The following MEGF11 variants were observed in gnomAD, a reference collection of about 807,000 sequenced individuals.
The protein encoded by MEGF11 is multiple epidermal growth factor-like domains protein 11.
In MEGF11, 126 loss-of-function variants were observed where a neutral mutation model predicts 146.6. The observed-to-expected ratio is 0.86, with a 90% CI of 0.74 to 1.00. The LOEUF is 1.00. MEGF11 is among the 50% of genes least tolerant of loss of function. The probability of loss-of-function intolerance (pLI) is 0.00; values close to 1 mark genes in which losing one functional copy is unlikely to be tolerated. For synonymous variants in MEGF11, 532 were observed against 583.4 expected, an observed-to-expected ratio of 0.91 and a Z score of 1.27; for missense variants, 1,509 against 1,521.2, an observed-to-expected ratio of 0.99 and a Z score of 0.13.
chr15:66,177,766 C>G (rs1293207151), intron 1 of MEGF11, among the ~76,000 whole-genome samples: 1 of 151,814 alleles, frequency 6.6e-6, no homozygotes, highest in Non-Finnish European at 1.5e-5. Flanking sequence ...CTCACTGCAG[C>G]CTCAACCTCC....
rs1458856311 is a variant in MEGF11 at position 65,970,676 on chromosome 15, G to A, written c.776C>T (p.Ala259Val). 1 of 1,611,194 alleles carries A rather than the reference G, an allele frequency of 6.2e-7. No homozygotes were observed. The highest frequency in any genetic ancestry group is 8.5e-7 in the Non-Finnish European group (1 of 1,178,678). The change falls in exon 8 of 26, where the codon GCC becomes GTC. Residue 259 changes from alanine to valine, a missense_variant. Physicochemically the swap from Ala to Val is moderately conservative, Grantham distance 64 (BLOSUM62 0). Coordinates refer to ENST00000395614, the MANE Select transcript of MEGF11 (RefSeq NM_001385028.1). ...CPPGWTGAVC[A>V]QPCPPGTFGQ... Reference sequence around the variant, plus strand: ...AAATGTCCCTGGTGGGCAGGGCTGGGCACACACTGCTCCCTAAAAGAAAGG... The same window carrying A: ...AAATGTCCCTGGTGGGCAGGGCTGGACACACACTGCTCCCTAAAAGAAAGG...
In MEGF11 at chr15:65,917,893, G is replaced by A. The variant is rs146993643; in HGVS notation, c.2086+73C>T. ...GGAAGTGGAGGCACCAGGACAGAGA[G>A]GTTTTGGGCAACAAAGGGAGAATTT... On this transcript the variant is annotated intron_variant, in intron 16 of 25. Transcript: ENST00000395614. The A allele has an allele frequency of 3.3e-5, 53 of 1,592,772 alleles. No individual in the cohort carries two copies. In the East Asian group the frequency reaches 1.1e-3, roughly 34 times the overall value.
intron 12 of MEGF11, among the ~76,000 whole-genome samples, chr15:65,929,270 T>C (rs571926580): frequency 2.0e-5 from 3 of 152,218 alleles, no homozygotes; most frequent in Non-Finnish European, 4.4e-5. Context: ...GTGGTTATTA[T>C]TGAACAGTGC....
chr15:66,094,377 C>A, intron 5 of MEGF11, 25 bp downstream of exon 5: 1 of 1,544,890 alleles, frequency 6.5e-7, no homozygotes, highest in East Asian at 2.4e-5. Flanking sequence ...CAGGGTGCCT[C>A]CTGACCCCCA....
intron 5 of MEGF11, among the ~76,000 whole-genome samples, chr15:66,026,649 A>AT (rs879383425): frequency 0.019 from 2,739 of 144,664 alleles, 76 homozygotes; most frequent in African/African-American, 0.06. Context: ...ACACCCAGCT[A>AT]TTTTTTTTTT....
At chr15:66,227,182 C>T (rs963600571) in intron 1 of MEGF11, among the ~76,000 whole-genome samples, 8 of 152,154 alleles carry the variant, frequency 5.3e-5, no homozygotes, top group African/African-American at 9.6e-5. Context: ...TGGGGTTCTG[C>T]GGTTCGTGGA....
In MEGF11 at chr15:65,945,878, C is replaced by T. The variant is rs564513855; in HGVS notation, c.1287+11669G>A. Among the ~76,000 whole-genome samples the T allele has an allele frequency of 1.1e-4, 16 of 152,286 alleles. No individual in the cohort carries two copies. The South Asian group carries it at 2.9e-3, about 28-fold the overall frequency. On this transcript the variant is annotated intron_variant, in intron 10 of 25. Transcript: ENST00000395614. ...CCCGCAGCTCACAGGCAGGGGCAGG[C>T]GGGCGTGTCAAGCTCATGGACTATG...
At chr15:65,958,617 C>T (rs2080745161) in intron 9 of MEGF11, among the ~76,000 whole-genome samples, 1 of 152,194 alleles carries the variant, frequency 6.6e-6, no homozygotes, top group Non-Finnish European at 1.5e-5. Flanking sequence ...AGATCTGGGA[C>T]TCCTCTGATG....
At chr15:65,979,626 G>A (rs960891301) in intron 7 of MEGF11, among the ~76,000 whole-genome samples, 2 of 152,232 alleles carry the variant, frequency 1.3e-5, no homozygotes, top group African/African-American at 4.8e-5. Context: ...CTGCCTGTAA[G>A]GGCTTGGTCT....
At chr15:66,214,279 C>T (rs991954420) in intron 1 of MEGF11, among the ~76,000 whole-genome samples, 1 of 152,026 alleles carries the variant, frequency 6.6e-6, no homozygotes, top group African/African-American at 2.4e-5. Context: ...AGGTGGTCTG[C>T]GCCTCAGCCT....
chr15:65,957,483 A>G, intron 10 of MEGF11, 64 bp downstream of exon 10: 1 of 1,496,080 alleles, frequency 6.7e-7, no homozygotes, highest in South Asian at 1.3e-5. Context: ...TGATTGCACC[A>G]GGAGGTGAGG....
chr15:66,051,613 C>A (rs1195810638), intron 5 of MEGF11, among the ~76,000 whole-genome samples: 2 of 152,196 alleles, frequency 1.3e-5, no homozygotes, highest in South Asian at 4.1e-4. Context: ...TTTGCCATGC[C>A]CCAGAGTTGT....
chr15:66,025,473 C>T (rs1262051962), intron 5 of MEGF11, among the ~76,000 whole-genome samples: 11 of 152,170 alleles, frequency 7.2e-5, no homozygotes, highest in Admixed American at 7.2e-4. Flanking sequence ...ACTACCTCTT[C>T]TAGATCTTTA....
At chr15:66,143,674 G>A (rs879626699) in intron 1 of MEGF11, among the ~76,000 whole-genome samples, 2 of 152,206 alleles carry the variant, frequency 1.3e-5, no homozygotes, top group Non-Finnish European at 2.9e-5. Flanking sequence ...ACCTCTGCTG[G>A]GAAGTCACAG....
chr15:66,015,167 C>T (rs1416533483), intron 5 of MEGF11, among the ~76,000 whole-genome samples: 2 of 152,172 alleles, frequency 1.3e-5, no homozygotes, highest in African/African-American at 2.4e-5. Context: ...GGGAGCCACA[C>T]GGAGGGGTCT....
intron 5 of MEGF11, among the ~76,000 whole-genome samples, chr15:66,036,084 C>A (rs964556936): frequency 1.3e-5 from 2 of 152,246 alleles, no homozygotes; most frequent in Non-Finnish European, 2.9e-5. Flanking sequence ...CCTGTGCAGG[C>A]ACAGCCAGAG....
Position 65,922,987 on chromosome 15 carries a change from A to T in MEGF11, c.1676-18T>A. On this transcript the variant is annotated intron_variant, in intron 13 of 25. Coordinates refer to ENST00000395614, the MANE Select transcript of MEGF11 (RefSeq NM_001385028.1). ...GCGGATGCCTGTGGGCCAGAGGCAG[A>T]CTCGGGTCAGTGGTAAGAGAGGTGA... 1 of 1,610,442 alleles carries T rather than the reference A, an allele frequency of 6.2e-7. No homozygotes were observed.
chr15:66,044,850 CAAAAAAAAAAAAAAAA>C (rs140901440), intron 5 of MEGF11, among the ~76,000 whole-genome samples: 2 of 90,700 alleles, frequency 2.2e-5, no homozygotes, highest in East Asian at 4.5e-4. Context: ...GACCTTATCT[CAAAAAAAAAAAAAAAA>C]AAAAAAAAAA....
intron 1 of MEGF11, among the ~76,000 whole-genome samples, chr15:66,224,693 T>C (rs562395406): frequency 1.4e-5 from 2 of 146,746 alleles, no homozygotes; most frequent in African/African-American, 5.0e-5. Context: ...ATATAAAGTA[T>C]ATATATTTTA....
Sources: allele counts gnomAD v4.1 joint callset (sites outside exome capture counted in the v4.1 genomes callset), GRCh38; gene constraint gnomAD v4.1.1; transcripts MANE v1.5; gene names NCBI Gene and HGNC (gene_info 2026-07-23, HGNC 2026-07-21).